BDNF: variants seen among roughly 807,000 people sequenced by gnomAD.
BDNF encodes neurotrophic factor BDNF precursor form.
Under a neutral mutation model 19.5 loss-of-function variants are expected in BDNF, and 1 was observed. The ratio of observed to expected loss-of-function variants is 0.05; its 90% CI spans 0.02 to 0.24. BDNF has a LOEUF of 0.24. BDNF is among the 10% of genes least tolerant of loss of function. The pLI is 1.00. For synonymous variants in BDNF, 100 were observed against 121.6 expected (o/e 0.82, Z 1.17); for missense variants, 195 against 317.6 (o/e 0.61, Z 2.93).
chr11:27,700,956 G>A (rs761704619), upstream of BDNF: 2 of 1,357,302 alleles, frequency 1.5e-6, no homozygotes, highest in South Asian at 1.2e-5. Context: ...TGCGTTTCCC[G>A]GGCCACAGAC....
rs763510956 is a variant in BDNF at position 27,658,190 on chromosome 11, C to T, written c.375G>A (p.Arg125=). 2 of 1,614,112 alleles carry T rather than the reference C, an allele frequency of 1.2e-6. No individual in the cohort carries two copies. Among genetic ancestry groups the T allele is most frequent in the South Asian group, 1.1e-5 (1 of 91,078 alleles). Residue 125 remains arginine, a synonymous_variant, in exon 2 of 2, where the codon AGG becomes AGA. Coordinates refer to ENST00000356660, the MANE Select transcript of BDNF (RefSeq NM_001709.5). The surrounding 1 kb of genome is among the most constrained non-coding windows in gnomAD (Gnocchi z 5.7). ...GGGCAGGGTCAGAGTGGCGCCGGACCCTCATGGACATGTTTGCAGCATCTA... is the reference window on the plus strand; with the variant it reads ...GGGCAGGGTCAGAGTGGCGCCGGACTCTCATGGACATGTTTGCAGCATCTA... ...NYLDAANMSM[R]VRRHSDPARR...
At chr11:27,669,408 G>T (rs996634249) in intron 1 of BDNF, among the ~76,000 whole-genome samples, 5 of 152,168 alleles carry the variant, frequency 3.3e-5, no homozygotes, top group African/African-American at 4.8e-5. Flanking sequence ...TCTAGCCAGG[G>T]CAATCAGGCA....
chr11:27,674,236 C>G (rs2133915767), intron 1 of BDNF: 1 of 1,591,166 alleles, frequency 6.3e-7, no homozygotes, highest in East Asian at 2.3e-5. Flanking sequence ...TGAGTAGTAA[C>G]AAGGATTAAC....
chr11:27,719,512 T>C, intron 1 of BDNF: 1 of 985,432 alleles, frequency 1.0e-6, no homozygotes, highest in Non-Finnish European at 1.2e-6. Context: ...GACTCGGACC[T>C]GGGCTCAGTG....
chr11:27,687,037 T>C (rs1857575911), intron 1 of BDNF, among the ~76,000 whole-genome samples: 1 of 152,226 alleles, frequency 6.6e-6, no homozygotes, highest in Non-Finnish European at 1.5e-5. Flanking sequence ...CACTTTCAGG[T>C]ACACCAATGA....
At chr11:27,686,431 C>A (rs1857493409) in intron 1 of BDNF, among the ~76,000 whole-genome samples, 1 of 152,054 alleles carries the variant, frequency 6.6e-6, no homozygotes. Context: ...TGAATTTGAT[C>A]CTGTCATTAT....
chr11:27,702,565 A>G (rs1859952533), upstream of BDNF, among the ~76,000 whole-genome samples: 1 of 152,222 alleles, frequency 6.6e-6, no homozygotes, highest in Non-Finnish European at 1.5e-5. Flanking sequence ...AGACTCCAAC[A>G]TTAATTTTGC....
chr11:27,683,462 T>G (rs1857100576), intron 1 of BDNF, among the ~76,000 whole-genome samples: 1 of 152,234 alleles, frequency 6.6e-6, no homozygotes, highest in East Asian at 1.9e-4. Context: ...TTTGGTATTT[T>G]AGTCATGAAG....
At chr11:27,668,955 A>G (rs889422582) in intron 1 of BDNF, among the ~76,000 whole-genome samples, 5 of 152,184 alleles carry the variant, frequency 3.3e-5, no homozygotes, top group African/African-American at 1.2e-4. Flanking sequence ...AGACACAACA[A>G]AAAAAGAGAA....
intron 1 of BDNF, among the ~76,000 whole-genome samples, chr11:27,692,411 G>A (rs771231429): frequency 2.0e-5 from 3 of 152,180 alleles, no homozygotes; most frequent in East Asian, 1.9e-4. Context: ...GGACAATCAC[G>A]GCTCACTGCA....
intron 1 of BDNF, among the ~76,000 whole-genome samples, chr11:27,718,254 A>G (rs545755456): frequency 6.6e-6 from 1 of 152,106 alleles, no homozygotes; most frequent in Non-Finnish European, 1.5e-5. Context: ...ACAAGCAGAC[A>G]GAAAGAAAAA....
chr11:27,671,340 T>C (rs188934623), intron 1 of BDNF, among the ~76,000 whole-genome samples: 86 of 151,666 alleles, frequency 5.7e-4, no homozygotes, highest in Middle Eastern at 3.4e-3. Flanking sequence ...AATTATCAAG[T>C]AAGCATCATA....
At chr11:27,720,014 T>TACACAC in intron 1 of BDNF, among the ~76,000 whole-genome samples, 2 of 150,444 alleles carry the variant, frequency 1.3e-5, no homozygotes, top group South Asian at 4.2e-4. Flanking sequence ...GAATCTACTG[T>TACACAC]ACACACACAC....
intron 1 of BDNF, chr11:27,676,060 G>C (rs941092142): frequency 2.0e-5 from 3 of 152,224 alleles, no homozygotes; most frequent in African/African-American, 7.2e-5. Flanking sequence ...TCAGCTCTTG[G>C]AAGAGAGCAC....
chr11:27,659,823 T>C (rs116666402), intron 1 of BDNF, among the ~76,000 whole-genome samples: 57 of 152,312 alleles, frequency 3.7e-4, no homozygotes, highest in African/African-American at 1.3e-3. Context: ...AGAGGGTTGC[T>C]CTACTCTAAA....
At chr11:27,702,909 A>C (rs1859966604), upstream of BDNF, among the ~76,000 whole-genome samples, 4 of 152,300 alleles carry the variant, frequency 2.6e-5, no homozygotes, top group Admixed American at 1.3e-4. Context: ...CCACCCCCTA[A>C]GTGAAGCTAT....
At chr11:27,721,116 C>T (rs886226642) in intron 1 of BDNF, among the ~76,000 whole-genome samples, 1 of 151,624 alleles carries the variant, frequency 6.6e-6, no homozygotes, top group African/African-American at 2.4e-5. Context: ...ATACACCATA[C>T]ACATTAAGGA....
intron 1 of BDNF, among the ~76,000 whole-genome samples, chr11:27,670,222 C>A (rs557390956): frequency 6.6e-6 from 1 of 152,278 alleles, no homozygotes; most frequent in East Asian, 1.9e-4. Flanking sequence ...AAAGCTGAAA[C>A]TGGATCCCTT....
intron 1 of BDNF, among the ~76,000 whole-genome samples, chr11:27,711,919 C>CT (rs1860341564): frequency 6.6e-6 from 1 of 152,114 alleles, no homozygotes; most frequent in African/African-American, 2.4e-5. Flanking sequence ...AGAATCTGAA[C>CT]TTTTTATCTT....
Sources: gnomAD v4.1 joint callset for allele counts (sites outside exome capture counted in the v4.1 genomes callset) on GRCh38, gnomAD v4.1.1 for gene constraint, Gnocchi (gnomAD v3.1) non-coding constraint, MANE v1.5 for transcripts, NCBI Gene and HGNC (gene_info 2026-07-23, HGNC 2026-07-21) for gene names.